The following KCNJ3 variants were observed in gnomAD, a reference collection of about 807,000 sequenced individuals.
KCNJ3 encodes the protein G protein-activated inward rectifier potassium channel 1.
KCNJ3 carries 4 observed loss-of-function variants against 39.2 expected under a neutral mutation model. That is an observed-to-expected ratio of 0.10 (90% CI 0.05 to 0.23). The LOEUF is 0.23. Among genes scored for constraint, KCNJ3 ranks in the 10% least tolerant of loss-of-function variants. The pLI is 1.00. For missense variants in KCNJ3, 276 were observed against 634.9 expected, an observed-to-expected ratio of 0.43 and a Z score of 6.08; for synonymous variants, 230 against 237.4, an observed-to-expected ratio of 0.97 and a Z score of 0.29.
chr2:154,744,387 T>C (rs1574444402), intron 2 of KCNJ3, among the ~76,000 whole-genome samples: 1 of 151,888 alleles, frequency 6.6e-6, no homozygotes, highest in Admixed American at 6.6e-5. Flanking sequence ...TTTTGGAAGG[T>C]ATTGTTTATA....
intron 2 of KCNJ3, among the ~76,000 whole-genome samples, chr2:154,711,323 T>C (rs1424743292): frequency 6.6e-6 from 1 of 152,134 alleles, no homozygotes; most frequent in Non-Finnish European, 1.5e-5. Context: ...AAACAGATGT[T>C]GCCATTTTTA....
chr2:154,724,422 A>G (rs984115834), intron 2 of KCNJ3, among the ~76,000 whole-genome samples: 1 of 152,082 alleles, frequency 6.6e-6, no homozygotes, highest in Admixed American at 6.5e-5. Context: ...TTTGAACGAA[A>G]TGCATTTAAA....
intron 2 of KCNJ3, among the ~76,000 whole-genome samples, chr2:154,725,303 G>A (rs1015334610): frequency 4.9e-5 from 7 of 143,742 alleles, no homozygotes; most frequent in Admixed American, 3.5e-4. Context: ...TTTATATCTC[G>A]CCATTCTTCA....
chr2:154,728,763 G>A (rs1282700793), intron 2 of KCNJ3, among the ~76,000 whole-genome samples: 2 of 152,138 alleles, frequency 1.3e-5, no homozygotes, highest in African/African-American at 2.4e-5. Context: ...TATATGCCAT[G>A]TAGTATTCGT....
In KCNJ3 at chr2:154,855,067, T is replaced by G; in HGVS notation, c.1260T>G (p.Ser420Arg). ...EDFPKKLLRM[S>R]STTSEKAYSL... is the part of the protein sequence containing the mutation. ...TTCCCAAAAAACTCTTGAGGATGAG[T>G]TCTACAACTTCAGAAAAAGCCTACA... Residue 420 changes from serine to arginine, a missense_variant, in exon 3 of 3, where the codon AGT becomes AGG. Ser to Arg is a moderately radical substitution (Grantham distance 110). Transcript: ENST00000295101. 1 of 1,613,768 alleles carries G rather than the reference T, an allele frequency of 6.2e-7. No individual in the cohort carries two copies. Among genetic ancestry groups the G allele is most frequent in the Non-Finnish European group, 8.5e-7 (1 of 1,179,862 alleles).
At chr2:154,737,005 C>T (rs1574441201) in intron 2 of KCNJ3, among the ~76,000 whole-genome samples, 1 of 152,248 alleles carries the variant, frequency 6.6e-6, no homozygotes, top group East Asian at 1.9e-4. Context: ...GAGGGGAGAG[C>T]TGCAACAAAG....
chr2:154,782,709 G>C (rs1686459417), intron 2 of KCNJ3, among the ~76,000 whole-genome samples: 1 of 152,064 alleles, frequency 6.6e-6, no homozygotes, highest in Admixed American at 6.6e-5. Context: ...GAGTGATATG[G>C]TTTTCTCACA....
chr2:154,797,461 A>G (rs1307390641), intron 2 of KCNJ3, among the ~76,000 whole-genome samples: 1 of 152,028 alleles, frequency 6.6e-6, no homozygotes, highest in Non-Finnish European at 1.5e-5. Flanking sequence ...TCCAGGGCAA[A>G]CCCCACTGTC....
In KCNJ3 at chr2:154,831,451, C is replaced by A. The variant is rs182283718; in HGVS notation, c.920-23276C>A. On this transcript the variant is annotated intron_variant, in intron 2 of 2. Coordinates refer to ENST00000295101, the MANE Select transcript of KCNJ3 (RefSeq NM_002239.4). ...AGTACCCCTTGAAAGAGAAGAAGGG[C>A]GATTATGAGGAACAGTTTTAAGGTT... Among the ~76,000 whole-genome samples the A allele has an allele frequency of 2.0e-5, 3 of 151,868 alleles. No individual in the cohort carries two copies. In the East Asian group the frequency reaches 5.8e-4, roughly 29 times the overall value.
At chr2:154,804,123 A>G (rs1686869756) in intron 2 of KCNJ3, among the ~76,000 whole-genome samples, 1 of 152,134 alleles carries the variant, frequency 6.6e-6, no homozygotes, top group African/African-American at 2.4e-5. Context: ...AAATGATTTA[A>G]AAAATGCTTA....
chr2:154,798,188 G>A (rs1222652206), intron 2 of KCNJ3, among the ~76,000 whole-genome samples: 8 of 114,760 alleles, frequency 7.0e-5, no homozygotes, highest in African/African-American at 1.9e-4. Context: ...TTCGAACACC[G>A]CACACACACA....
chr2:154,746,265 C>T (rs1034735557), intron 2 of KCNJ3, among the ~76,000 whole-genome samples: 11 of 151,668 alleles, frequency 7.3e-5, no homozygotes, highest in Admixed American at 3.3e-4. Flanking sequence ...ATAAGGTTTC[C>T]GGTCAATGGT....
intron 2 of KCNJ3, among the ~76,000 whole-genome samples, chr2:154,829,062 TA>T (rs1037180383): frequency 9.2e-5 from 14 of 152,266 alleles, no homozygotes; most frequent in African/African-American, 3.4e-4. Flanking sequence ...AAGTGGAGGT[TA>T]AAAATATCTG....
chr2:154,732,871 G>C (rs1273936994), intron 2 of KCNJ3, among the ~76,000 whole-genome samples: 1 of 152,118 alleles, frequency 6.6e-6, no homozygotes, highest in African/African-American at 2.4e-5. Context: ...AGGATGGAAA[G>C]TACAAAAGCA....
At chr2:154,759,713 C>T in intron 2 of KCNJ3, among the ~76,000 whole-genome samples, 1 of 151,968 alleles carries the variant, frequency 6.6e-6, no homozygotes, top group Non-Finnish European at 1.5e-5. Context: ...TATATAAGCC[C>T]ATGAAAATGA....
intron 2 of KCNJ3, among the ~76,000 whole-genome samples, chr2:154,756,663 C>G (rs2921435): frequency 6.6e-6 from 1 of 151,524 alleles, no homozygotes; most frequent in African/African-American, 2.4e-5. Context: ...CTAATGCAGA[C>G]GACAGGTTGA....
chr2:154,815,696 C>A (rs1481590872), intron 2 of KCNJ3, among the ~76,000 whole-genome samples: 9 of 152,196 alleles, frequency 5.9e-5, no homozygotes, highest in Admixed American at 2.6e-4. Context: ...ATCTATGAGG[C>A]CTGCATAAGC....
At chr2:154,742,048 A>G (rs900860973) in intron 2 of KCNJ3, among the ~76,000 whole-genome samples, 3 of 151,842 alleles carry the variant, frequency 2.0e-5, no homozygotes, top group African/African-American at 4.8e-5. Context: ...TCTCTCAGAC[A>G]TGCTCAGTCC....
intron 2 of KCNJ3, among the ~76,000 whole-genome samples, chr2:154,814,767 G>A (rs1046796626): frequency 2.0e-5 from 3 of 152,042 alleles, no homozygotes; most frequent in Non-Finnish European, 4.4e-5. Flanking sequence ...AATTATCTCT[G>A]TAGAACTGCC....
Sources: allele counts gnomAD v4.1 joint callset (sites outside exome capture counted in the v4.1 genomes callset), GRCh38; gene constraint gnomAD v4.1.1; transcripts MANE v1.5; gene names NCBI Gene and HGNC (gene_info 2026-07-23, HGNC 2026-07-21).